The following TM2D3 variants were observed in gnomAD, a reference collection of about 807,000 sequenced individuals.
TM2D3 encodes the protein TM2 domain-containing protein 3.
TM2D3 carries 33 observed loss-of-function variants against 27.3 expected under a neutral mutation model. The ratio of observed to expected loss-of-function variants is 1.21; its 90% CI spans 0.92 to 1.61. The LOEUF is 1.61. TM2D3 is among the 40% of genes most tolerant of loss of function. TM2D3 has a pLI of 0.00. For synonymous variants in TM2D3, 138 were observed against 122.2 expected (o/e 1.13, Z -0.85); for missense variants, 364 against 320.8 (o/e 1.13, Z -1.03).
At chr15:101,649,229 A>C (rs1896903897) in intron 3 of TM2D3, among the ~76,000 whole-genome samples, 1 of 152,036 alleles carries the variant, frequency 6.6e-6, no homozygotes, top group Admixed American at 6.5e-5. Flanking sequence ...TTTATATATT[A>C]CTGATATTAC....
At chr15:101,652,062 T>A (rs1196399374) in intron 1 of TM2D3, 3 of 559,008 alleles carry the variant, frequency 5.4e-6, no homozygotes, top group African/African-American at 2.0e-5. Flanking sequence ...GCAGCCGCGA[T>A]GGCGGGCTCG....
At chr15:101,651,892 C>A in intron 1 of TM2D3, 119 bp from the exon 2 acceptor site, 1 of 1,013,234 alleles carries the variant, frequency 9.9e-7, no homozygotes. Context: ...GAAAACCTCA[C>A]GGCTGGTCAG....
At chr15:101,643,856 A>C (rs1896735843) in intron 5 of TM2D3, among the ~76,000 whole-genome samples, 1 of 151,876 alleles carries the variant, frequency 6.6e-6, no homozygotes, top group South Asian at 2.1e-4. Context: ...ATGGTTACTA[A>C]TCTTTTTTTT....
At chr15:101,651,940 A>G (rs1896988011) in intron 1 of TM2D3, 167 bp from the exon 2 acceptor site, 1 of 687,344 alleles carries the variant, frequency 1.5e-6, no homozygotes, top group Non-Finnish European at 2.5e-6. Context: ...ACGTCAACAG[A>G]GTAGACATCA....
At chr15:101,642,906 C>A (rs1316592250) in intron 5 of TM2D3, among the ~76,000 whole-genome samples, 3 of 152,150 alleles carry the variant, frequency 2.0e-5, no homozygotes, top group African/African-American at 7.2e-5. Flanking sequence ...TTATCAATCT[C>A]ATTGCTTTTT....
chr15:101,633,660 C>T (rs1045250326), exon 5 of TM2D3: 5 of 1,531,456 alleles, frequency 3.3e-6, no homozygotes, highest in Non-Finnish European at 4.4e-6. Flanking sequence ...CAAAAATCCA[C>T]CTTTTTCAGG....
At chr15:101,638,721 G>A (rs1018515010), downstream of TM2D3, among the ~76,000 whole-genome samples, 1 of 152,126 alleles carries the variant, frequency 6.6e-6, no homozygotes, top group African/African-American at 2.4e-5. Flanking sequence ...GCATTTGGCT[G>A]TATCCTTTTG....
At chr15:101,642,758 G>A (rs1348092960) in intron 5 of TM2D3, 114 bp from the exon 6 acceptor site, 1 of 776,072 alleles carries the variant, frequency 1.3e-6, no homozygotes, top group Non-Finnish European at 1.9e-6. Flanking sequence ...CCTGATCGTA[G>A]CCCTTAACTG....
At chr15:101,640,856 TG>T (rs1896650798), downstream of TM2D3, among the ~76,000 whole-genome samples, 1 of 152,344 alleles carries the variant, frequency 6.6e-6, no homozygotes, top group East Asian at 1.9e-4. Context: ...CCTCCTTTCA[TG>T]GATTCTGAAT....
rs1209092487 is a variant in TM2D3, at chr15:101,646,641, G to A, written c.502+84C>T. The A allele has an allele frequency of 6.7e-6, 10 of 1,489,592 alleles. No homozygotes were observed. In the South Asian group the frequency reaches 1.2e-4, roughly 17 times the overall value. The allele number at this position is 1,489,592 out of a possible 1,614,324, so 92.3% of individuals were successfully genotyped here. On this transcript the variant is annotated intron_variant, in intron 4 of 5. Coordinates refer to ENST00000333202, the MANE Select transcript of TM2D3 (RefSeq NM_078474.3). ...ATAAATGTTTCTAATTAAGTAACTT[G>A]ACTCGCAAATTTCTGGTTAAAGTCC...
At position 101,643,546 on chromosome 15, in the gene TM2D3, A is replaced by G. The variant is rs554815334; in HGVS notation, c.579-902T>C. Among the ~76,000 whole-genome samples, 8 of 146,260 alleles carry G rather than the reference A, an allele frequency of 5.5e-5. No individual in the cohort carries two copies. The South Asian group carries it at 6.8e-4, about 12-fold the overall frequency. On this transcript the variant is annotated intron_variant, in intron 5 of 5. Transcript: ENST00000333202. ...GAACCTGGGAGGTGGAGCTTGCAGT[A>G]AGCCGAGATTGAGCCACTGCACTCC...
chr15:101,645,402 CG>C (rs1352580604), intron 4 of TM2D3: 1 of 519,976 alleles, frequency 1.9e-6, no homozygotes, highest in Non-Finnish European at 3.4e-6. Flanking sequence ...TCAAGACCTA[CG>C]GGGAAGTTAC....
At chr15:101,645,737 A>G (rs1896788065) in intron 4 of TM2D3, 1 of 152,188 alleles carries the variant, frequency 6.6e-6, no homozygotes, top group Non-Finnish European at 1.5e-5. Flanking sequence ...TAAAACCACC[A>G]CAAAAAAGGA....
chr15:101,648,767 T>A (rs562192234), intron 3 of TM2D3, among the ~76,000 whole-genome samples: 1 of 152,388 alleles, frequency 6.6e-6, no homozygotes, highest in African/African-American at 2.4e-5. Flanking sequence ...ACGTGTACCA[T>A]AAATTAAGCA....
At chr15:101,639,434 G>A (rs1896620368), downstream of TM2D3, among the ~76,000 whole-genome samples, 1 of 151,392 alleles carries the variant, frequency 6.6e-6, no homozygotes, top group African/African-American at 2.4e-5. Context: ...TTCATTTTCA[G>A]GCTTTTTCAA....
At chr15:101,639,015 G>A (rs772568645), downstream of TM2D3, among the ~76,000 whole-genome samples, 1 of 152,160 alleles carries the variant, frequency 6.6e-6, no homozygotes, top group Non-Finnish European at 1.5e-5. Context: ...CCCTGCCTTC[G>A]TGGAGCCTTA....
At chr15:101,638,016 T>C (rs1368956394), downstream of TM2D3, among the ~76,000 whole-genome samples, 4 of 152,224 alleles carry the variant, frequency 2.6e-5, no homozygotes, top group Non-Finnish European at 5.9e-5. Flanking sequence ...ATCTGGTCTC[T>C]GGTTTCTTGA....
intron 1 of TM2D3, 153 bp from the exon 2 acceptor site, chr15:101,651,926 C>G: frequency 1.3e-6 from 1 of 759,384 alleles, no homozygotes; most frequent in Non-Finnish European, 2.3e-6. Flanking sequence ...AGCTTAGGGA[C>G]GAAACGTCAA....
downstream of TM2D3, among the ~76,000 whole-genome samples, chr15:101,640,042 G>C (rs1431421440): frequency 6.6e-6 from 1 of 152,210 alleles, no homozygotes; most frequent in Non-Finnish European, 1.5e-5. Context: ...TAAATTCTGA[G>C]TGTCTAGAGA....
Sources: gnomAD v4.1 joint callset for allele counts (sites outside exome capture counted in the v4.1 genomes callset) on GRCh38, gnomAD v4.1.1 for gene constraint, MANE v1.5 for transcripts, NCBI Gene and HGNC (gene_info 2026-07-23, HGNC 2026-07-21) for gene names.